The following NBAS variants were observed in gnomAD, a reference collection of about 807,000 sequenced individuals.
NBAS encodes NAG/BC035112 fusion.
A neutral mutation model predicts 302.5 loss-of-function variants in NBAS; 219 were observed. That is an observed-to-expected ratio of 0.72 (90% CI 0.65 to 0.81). The LOEUF (loss-of-function observed/expected upper bound fraction) is 0.81. Among genes scored for constraint, NBAS ranks in the 30% least tolerant of loss-of-function variants. The pLI, the probability that NBAS is intolerant of heterozygous loss-of-function variation, is 0.00. For missense variants in NBAS, 2,932 were observed against 2,841.6 expected, an observed-to-expected ratio of 1.03 and a Z score of -0.72; for synonymous variants, 1,118 against 1,021.6, an observed-to-expected ratio of 1.09 and a Z score of -1.80.
downstream of NBAS, among the ~76,000 whole-genome samples, chr2:15,164,499 T>G (rs1488818984): frequency 6.6e-6 from 1 of 152,218 alleles, no homozygotes; most frequent in Non-Finnish European, 1.5e-5. Flanking sequence ...GGCCTCCCAG[T>G]GCTCACACTT....
the NBAS span, among the ~76,000 whole-genome samples, chr2:15,135,165 T>C: frequency 1.3e-5 from 2 of 152,182 alleles, no homozygotes; most frequent in African/African-American, 4.8e-5. Context: ...CGCAATAGAT[T>C]TCCTAAGGTG....
chr2:15,183,170 A>G (rs1447804678), intron 50 of NBAS, among the ~76,000 whole-genome samples: 1 of 152,220 alleles, frequency 6.6e-6, no homozygotes, highest in Non-Finnish European at 1.5e-5. Flanking sequence ...AGATACTGCC[A>G]CTTTTTAATA....
the NBAS span, among the ~76,000 whole-genome samples, chr2:15,015,624 A>G: frequency 2.9e-3 from 437 of 152,340 alleles, 3 homozygotes; most frequent in African/African-American, 0.01. Flanking sequence ...AATAAGGTAT[A>G]GAAGGAAAGT....
At chr2:15,049,074 G>C in the NBAS span, among the ~76,000 whole-genome samples, 13 of 152,340 alleles carry the variant, frequency 8.5e-5, no homozygotes, top group East Asian at 2.3e-3. Context: ...GGAGAGAGGA[G>C]GTGACATTTA....
At chr2:15,182,728 C>G (rs994770228) in intron 50 of NBAS, among the ~76,000 whole-genome samples, 5 of 152,182 alleles carry the variant, frequency 3.3e-5, no homozygotes, top group African/African-American at 1.2e-4. Context: ...GCCATGGATA[C>G]AAGCTGAGAA....
At chr2:15,203,925 T>TGTGC (rs1418178192) in intron 48 of NBAS, among the ~76,000 whole-genome samples, 1 of 148,722 alleles carries the variant, frequency 6.7e-6, no homozygotes, top group African/African-American at 2.5e-5. Flanking sequence ...TGTGTGTGTG[T>TGTGC]GAGTGGGGAG....
At position 15,188,111 on chromosome 2, in the gene NBAS, GCTTT is replaced by G. The variant is rs570916175; in HGVS notation, c.6573-1235_6573-1232del. Among the ~76,000 whole-genome samples, 55 of 152,328 alleles carry G rather than the reference GCTTT, an allele frequency of 3.6e-4. 1 individual carries two copies. The South Asian group carries it at 0.01, about 29-fold the overall frequency. ...GCATGGTGAACCAATGGGCAACGAG[GCTTT>G]GGTAACAAATTATCAAGATATGTTT... On this transcript the variant is annotated intron_variant, in intron 49 of 51. Coordinates refer to ENST00000281513, the MANE Select transcript of NBAS (RefSeq NM_015909.4).
chr2:15,162,957 AT>A (rs1332072274), downstream of NBAS, among the ~76,000 whole-genome samples: 4 of 152,212 alleles, frequency 2.6e-5, no homozygotes, highest in Admixed American at 1.3e-4. Flanking sequence ...CTTCTGCTAC[AT>A]TTATCATAAT....
chr2:15,087,258 C>CACACACACACACA, the NBAS span, among the ~76,000 whole-genome samples: 3 of 131,314 alleles, frequency 2.3e-5, no homozygotes, highest in African/African-American at 1.0e-4. Context: ...ACACACACAC[C>CACACACACACACA]CCATATTGGT....
Position 15,290,684 on chromosome 2 carries a change from C to T in NBAS, c.5027+1853G>A, listed in dbSNP as rs551560372. On this transcript the variant is annotated intron_variant, in intron 41 of 51. Coordinates refer to ENST00000281513, the MANE Select transcript of NBAS (RefSeq NM_015909.4). The stretch of plus-strand genomic sequence containing the variant: ...TCTTTAAAGCTCTCTAGTTCTGATT[C>T]CTTTTCTTAAAAGTCAGAAGGTTGG... 2.1e-3 allele frequency among the ~76,000 whole-genome samples: 327 copies of T among 152,242 alleles called. 4 individuals are homozygous for T. Among genetic ancestry groups the T allele is most frequent in the Non-Finnish European group, 1.9e-3 (127 of 68,012 alleles).
chr2:15,461,931 A>G, intron 19 of NBAS, 140 bp from the exon 20 acceptor site: 1 of 619,344 alleles, frequency 1.6e-6, no homozygotes, highest in South Asian at 2.1e-5. Flanking sequence ...TCAATTGTTA[A>G]CTAAAGTACT....
the NBAS span, among the ~76,000 whole-genome samples, chr2:15,074,373 GGAAA>G: frequency 1.4e-5 from 2 of 141,240 alleles, no homozygotes; most frequent in African/African-American, 5.2e-5. Flanking sequence ...AAGGAAGGAT[GGAAA>G]GAAGGAAGGA....
chr2:15,544,966 G>A (rs567273488), intron 6 of NBAS, among the ~76,000 whole-genome samples: 1 of 151,960 alleles, frequency 6.6e-6, no homozygotes, highest in East Asian at 1.9e-4. Flanking sequence ...AGCCAAGATC[G>A]TGTCACTGCA....
At chr2:15,515,082 G>C (rs1385632642) in intron 9 of NBAS, among the ~76,000 whole-genome samples, 1 of 152,174 alleles carries the variant, frequency 6.6e-6, no homozygotes, top group Non-Finnish European at 1.5e-5. Flanking sequence ...AGTAGGCACG[G>C]GTCCTCAGGT....
At chr2:15,528,680 C>T (rs1438125012) in intron 9 of NBAS, among the ~76,000 whole-genome samples, 2 of 148,986 alleles carry the variant, frequency 1.3e-5, no homozygotes, top group Non-Finnish European at 3.0e-5. Context: ...CCAGCATGGC[C>T]AACACTGTGA....
chr2:15,441,063 C>A (rs974572967), intron 21 of NBAS, among the ~76,000 whole-genome samples: 1 of 152,240 alleles, frequency 6.6e-6, no homozygotes, highest in South Asian at 2.1e-4. Flanking sequence ...GAGAATGGAA[C>A]CAAGTTGGAA....
At chr2:15,167,453 G>T in intron 51 of NBAS, 130 bp from the exon 52 acceptor site, 1 of 1,182,882 alleles carries the variant, frequency 8.5e-7, no homozygotes, top group Non-Finnish European at 1.2e-6. Context: ...AAGCGTGTGT[G>T]GGTCACGAGC....
At chr2:15,433,475 C>T (rs12613009) in intron 21 of NBAS, among the ~76,000 whole-genome samples, 2 of 152,148 alleles carry the variant, frequency 1.3e-5, no homozygotes, top group Non-Finnish European at 2.9e-5. Flanking sequence ...ATTTCAAGAT[C>T]TACTTTATGA....
rs775245382 is a variant in NBAS at position 15,534,641 on chromosome 2, A to G, written c.648T>C (p.Ser216=). The change falls in exon 9 of 52, where the codon AGT becomes AGC. Residue 216 remains serine (S), a splice_region_variant and synonymous_variant. Coordinates refer to ENST00000281513, the MANE Select transcript of NBAS (RefSeq NM_015909.4). ...CTTGGTAGCTCTGATTTGTTCCAAC[A>G]CTAAATTTAAGAGGGTATGAAAGAA... ...YRGELRSYLV[S]VGTNQSYQES... 2 of 1,608,578 alleles carry G rather than the reference A, an allele frequency of 1.2e-6. No homozygotes were observed. Among genetic ancestry groups the G allele is most frequent in the South Asian group, 1.1e-5 (1 of 90,988 alleles).
Sources: allele counts gnomAD v4.1 joint callset (sites outside exome capture counted in the v4.1 genomes callset), GRCh38; gene constraint gnomAD v4.1.1; transcripts MANE v1.5; gene names NCBI Gene and HGNC (gene_info 2026-07-23, HGNC 2026-07-21).